WDR72: variants seen among roughly 807,000 people sequenced by gnomAD.
The protein encoded by WDR72 is WD repeat-containing protein 72.
In WDR72, 120 loss-of-function variants were observed where a neutral mutation model predicts 124.2. The ratio of observed to expected loss-of-function variants is 0.97; its 90% confidence interval spans 0.83 to 1.12. WDR72 has a LOEUF of 1.12. Among genes scored for constraint, WDR72 ranks in the 50% most tolerant of loss-of-function variants. The pLI is 0.00. For synonymous variants in WDR72, 452 were observed against 441.7 expected, an observed-to-expected ratio of 1.02 and a Z score of -0.29; for missense variants, 1,387 against 1,278.8, an observed-to-expected ratio of 1.08 and a Z score of -1.29.
intron 13 of WDR72, among the ~76,000 whole-genome samples, chr15:53,681,178 C>A (rs2016369814): frequency 6.6e-6 from 1 of 152,200 alleles, no homozygotes; most frequent in Non-Finnish European, 1.5e-5. Flanking sequence ...AACCTACTTT[C>A]CCAGAGAATA....
chr15:53,685,465 T>C (rs1235972518), intron 13 of WDR72, among the ~76,000 whole-genome samples: 1 of 136,842 alleles, frequency 7.3e-6, no homozygotes, highest in Non-Finnish European at 1.5e-5. Context: ...GTATCAGTGA[T>C]GGAAGATGAA....
intron 14 of WDR72, among the ~76,000 whole-genome samples, chr15:53,655,526 A>G (rs1595823262): frequency 6.6e-6 from 1 of 152,168 alleles, no homozygotes; most frequent in East Asian, 1.9e-4. Context: ...TGATTACATG[A>G]TGAATGTCAT....
At chr15:53,573,103 GT>G (rs1894612440) in intron 18 of WDR72, among the ~76,000 whole-genome samples, 1 of 152,110 alleles carries the variant, frequency 6.6e-6, no homozygotes. Context: ...AGCAAATATT[GT>G]GTTAAAAACA....
rs1212232955 is a variant in WDR72, at chr15:53,514,600, CTG to C, written c.*3097_*3098del. 4 of 152,146 alleles carry C rather than the reference CTG, an allele frequency of 2.6e-5. No homozygotes were observed. The highest frequency in any genetic ancestry group is 9.7e-5 in the African/African-American group (4 of 41,430). 9.4% of individuals were successfully genotyped at this position (152,146 alleles called of 1,614,324 possible). On this transcript the variant is annotated 3_prime_UTR_variant, in exon 20 of 20. Coordinates refer to ENST00000360509, the MANE Select transcript of WDR72 (RefSeq NM_182758.4). ...AGATAGAATATTAATATTTAACAAA[CTG>C]TATTCTACCATTTTTCTAATACCAT...
At chr15:53,679,247 G>C (rs1376296230) in intron 13 of WDR72, among the ~76,000 whole-genome samples, 2 of 152,152 alleles carry the variant, frequency 1.3e-5, no homozygotes, top group East Asian at 3.9e-4. Context: ...GGTGATGGTT[G>C]CACAACAATG....
intron 1 of WDR72, among the ~76,000 whole-genome samples, chr15:53,758,702 A>G (rs182846431): frequency 1.0e-3 from 146 of 141,734 alleles, no homozygotes; most frequent in Admixed American, 3.8e-3. Flanking sequence ...CACTTCAGGT[A>G]AAAAGATCCC....
intron 19 of WDR72, among the ~76,000 whole-genome samples, chr15:53,521,268 C>T (rs1234367021): frequency 6.6e-6 from 1 of 152,098 alleles, no homozygotes; most frequent in East Asian, 1.9e-4. Flanking sequence ...CTGCCCAGCC[C>T]CCTTTATTCC....
chr15:53,757,421 G>A (rs1043684774), intron 1 of WDR72, among the ~76,000 whole-genome samples: 6 of 152,110 alleles, frequency 3.9e-5, no homozygotes, highest in South Asian at 2.1e-4. Context: ...TCAGGAGTTC[G>A]AGACCAGCCT....
intron 1 of WDR72, among the ~76,000 whole-genome samples, chr15:53,740,633 T>C (rs1389094287): frequency 2.6e-5 from 4 of 152,232 alleles, no homozygotes; most frequent in Non-Finnish European, 4.4e-5. Flanking sequence ...TTCTGAAATA[T>C]GGGAATCATT....
intron 18 of WDR72, among the ~76,000 whole-genome samples, chr15:53,550,369 T>G (rs1025042418): frequency 2.0e-5 from 3 of 152,198 alleles, no homozygotes; most frequent in African/African-American, 7.2e-5. Flanking sequence ...CAGGCTGAAT[T>G]CAGCTTATGG....
At chr15:53,583,478 C>T (rs559461127) in intron 18 of WDR72, among the ~76,000 whole-genome samples, 1 of 152,060 alleles carries the variant, frequency 6.6e-6, no homozygotes, top group Non-Finnish European at 1.5e-5. Flanking sequence ...TCTGAAAACT[C>T]CTTTGCATTC....
At chr15:53,663,190 C>T (rs1006456965) in intron 14 of WDR72, among the ~76,000 whole-genome samples, 2 of 151,832 alleles carry the variant, frequency 1.3e-5, no homozygotes, top group South Asian at 2.1e-4. Context: ...ATTGAAGATA[C>T]CCAGAACATA....
At chr15:53,700,722 T>C (rs1186380612) in intron 12 of WDR72, among the ~76,000 whole-genome samples, 2 of 152,124 alleles carry the variant, frequency 1.3e-5, no homozygotes, top group African/African-American at 4.8e-5. Flanking sequence ...TTGGGATACA[T>C]GTTTTCTTTC....
intron 13 of WDR72, among the ~76,000 whole-genome samples, chr15:53,696,865 T>A (rs2017018297): frequency 1.3e-5 from 2 of 152,184 alleles, no homozygotes; most frequent in African/African-American, 4.8e-5. Context: ...GGAATGAATG[T>A]GATATAGAAA....
intron 2 of WDR72, among the ~76,000 whole-genome samples, chr15:53,731,508 C>T (rs1412938942): frequency 2.0e-5 from 3 of 151,868 alleles, no homozygotes; most frequent in Non-Finnish European, 4.4e-5. Flanking sequence ...CCACTACATG[C>T]CACCTTGTCC....
At chr15:53,534,358 A>G (rs1892639660) in intron 18 of WDR72, among the ~76,000 whole-genome samples, 1 of 152,122 alleles carries the variant, frequency 6.6e-6, no homozygotes, top group Non-Finnish European at 1.5e-5. Context: ...TAACCTTTAG[A>G]TAACTTTATA....
chr15:53,748,651 A>G (rs1176426845), intron 1 of WDR72, among the ~76,000 whole-genome samples: 2 of 152,132 alleles, frequency 1.3e-5, no homozygotes, highest in Non-Finnish European at 2.9e-5. Context: ...TCTTTCAATT[A>G]ACCAAGAAAA....
chr15:53,651,046 T>A (rs1003202297), intron 14 of WDR72, among the ~76,000 whole-genome samples: 1 of 152,034 alleles, frequency 6.6e-6, no homozygotes, highest in African/African-American at 2.4e-5. Context: ...ACACCCAACA[T>A]ATTCTGTCCG....
chr15:53,537,202 T>C (rs1160998887), intron 18 of WDR72, among the ~76,000 whole-genome samples: 1 of 152,182 alleles, frequency 6.6e-6, no homozygotes, highest in East Asian at 1.9e-4. Context: ...CATGATTGTG[T>C]CTGGATATTT....
Sources: gnomAD v4.1 joint callset for allele counts (sites outside exome capture counted in the v4.1 genomes callset) on GRCh38, gnomAD v4.1.1 for gene constraint, MANE v1.5 for transcripts, NCBI Gene and HGNC (gene_info 2026-07-23, HGNC 2026-07-21) for gene names.